Variants in TMEM132C observed in about 807,000 individuals in gnomAD.
TMEM132C encodes the protein protein phosphatase 1, regulatory subunit 152.
TMEM132C carries 29 observed loss-of-function variants against 61.4 expected under a neutral mutation model. That is an observed-to-expected ratio of 0.47 (90% CI 0.35 to 0.64). TMEM132C has a LOEUF of 0.64. Among genes scored for constraint, TMEM132C ranks in the 30% least tolerant of loss-of-function variants. The probability of loss-of-function intolerance (pLI) is 0.00; values close to 1 mark genes in which losing one functional copy is unlikely to be tolerated. For missense variants in TMEM132C, 1,408 were observed against 1,476.9 expected (o/e 0.95, Z 0.76); for synonymous variants, 656 against 633.1 (o/e 1.04, Z -0.54).
chr12:128,453,165 G>A (rs1870232132), intron 2 of TMEM132C, among the ~76,000 whole-genome samples: 1 of 152,152 alleles, frequency 6.6e-6, no homozygotes, highest in Non-Finnish European at 1.5e-5. Flanking sequence ...GCCTGACTCC[G>A]TTTTCTAGTG....
At chr12:128,366,894 A>G (rs535514180) in intron 1 of TMEM132C, among the ~76,000 whole-genome samples, 1 of 152,362 alleles carries the variant, frequency 6.6e-6, no homozygotes, top group Non-Finnish European at 1.5e-5. Context: ...GAGGCCAAAA[A>G]TAAGCAAGTG....
chr12:128,582,677 A>G (rs1014582651), intron 3 of TMEM132C, among the ~76,000 whole-genome samples: 3 of 152,200 alleles, frequency 2.0e-5, no homozygotes, highest in Non-Finnish European at 4.4e-5. Flanking sequence ...TGCCACCGCC[A>G]TGTAAAAAGT....
intron 3 of TMEM132C, among the ~76,000 whole-genome samples, chr12:128,615,788 A>G (rs1352562): frequency 0.31 from 47,310 of 152,120 alleles, 7,877 homozygotes; most frequent in South Asian, 0.39. Flanking sequence ...AGCCTATAGC[A>G]TCTGCCACAC....
intron 2 of TMEM132C, among the ~76,000 whole-genome samples, chr12:128,502,596 G>A (rs774349015): frequency 2.0e-5 from 3 of 152,218 alleles, no homozygotes; most frequent in Non-Finnish European, 2.9e-5. Context: ...ACACCAGAGT[G>A]GATCCAAAGC....
At chr12:128,641,734 A>G (rs1301618445) in intron 4 of TMEM132C, among the ~76,000 whole-genome samples, 1 of 152,238 alleles carries the variant, frequency 6.6e-6, no homozygotes, top group East Asian at 1.9e-4. Flanking sequence ...GTCTGTGGTC[A>G]TGCGTTATAG....
At chr12:128,344,423 G>A (rs1873084903) in intron 1 of TMEM132C, among the ~76,000 whole-genome samples, 1 of 152,132 alleles carries the variant, frequency 6.6e-6, no homozygotes, top group Admixed American at 6.5e-5. Flanking sequence ...CTCCCAAAGT[G>A]CTGGGATTAC....
At chr12:128,622,380 T>C (rs866378998) in intron 4 of TMEM132C, among the ~76,000 whole-genome samples, 1 of 100,002 alleles carries the variant, frequency 1.0e-5, no homozygotes, top group Admixed American at 9.9e-5. Context: ...TATATATATA[T>C]ATATATATAT....
chr12:128,412,499 G>A (rs1324398355), intron 1 of TMEM132C, among the ~76,000 whole-genome samples: 1 of 152,128 alleles, frequency 6.6e-6, no homozygotes, highest in Non-Finnish European at 1.5e-5. Flanking sequence ...TTCAAGGGCA[G>A]GACCAGGTGG....
At chr12:128,392,289 A>G (rs1475704960) in intron 1 of TMEM132C, among the ~76,000 whole-genome samples, 1 of 152,212 alleles carries the variant, frequency 6.6e-6, no homozygotes, top group African/African-American at 2.4e-5. Context: ...CCGAGTTTAC[A>G]AGTGAGGAAC....
chr12:128,284,641 A>T (rs1003976146), intron 1 of TMEM132C, among the ~76,000 whole-genome samples: 1 of 152,218 alleles, frequency 6.6e-6, no homozygotes, highest in Non-Finnish European at 1.5e-5. Flanking sequence ...CACAGATTAG[A>T]CTTCCCGTGT....
chr12:128,458,299 A>T (rs1593060766), intron 2 of TMEM132C, among the ~76,000 whole-genome samples: 1 of 1,954 alleles, frequency 5.1e-4, no homozygotes, highest in African/African-American at 5.7e-4. Flanking sequence ...GTAATTATAT[A>T]ATTATACTAA....
chr12:128,413,559 A>T (rs991768008), intron 1 of TMEM132C, among the ~76,000 whole-genome samples: 1 of 151,794 alleles, frequency 6.6e-6, no homozygotes, highest in African/African-American at 2.4e-5. Context: ...TGTCAGTCTT[A>T]TAGGTAAGAG....
chr12:128,517,308 G>A (rs1201833087), intron 2 of TMEM132C, among the ~76,000 whole-genome samples: 1 of 151,588 alleles, frequency 6.6e-6, no homozygotes, highest in Non-Finnish European at 1.5e-5. Context: ...AGGGTGACAC[G>A]CCTGTAATCC....
intron 1 of TMEM132C, among the ~76,000 whole-genome samples, chr12:128,284,683 A>G (rs562006225): frequency 1.3e-5 from 2 of 152,334 alleles, no homozygotes; most frequent in East Asian, 3.9e-4. Flanking sequence ...GACAATTTCT[A>G]CCTATAGCAG....
At chr12:128,676,569 C>CATTTGTAATCATTTGTAATCATTTCTT (rs1954589295) in intron 5 of TMEM132C, among the ~76,000 whole-genome samples, 2 of 152,216 alleles carry the variant, frequency 1.3e-5, no homozygotes, top group Non-Finnish European at 2.9e-5. Context: ...ATTTCTTACA[C>CATTTGTAATCATTTGTAATCATTTCTT]ACATATACCC....
At chr12:128,340,916 T>TC (rs1872954933) in intron 1 of TMEM132C, among the ~76,000 whole-genome samples, 2 of 128,268 alleles carry the variant, frequency 1.6e-5, no homozygotes, top group Non-Finnish European at 3.1e-5. Context: ...CTCTCTCTCT[T>TC]TCTCTCTCTC....
chr12:128,529,938 G>A (rs1439575531), intron 2 of TMEM132C, among the ~76,000 whole-genome samples: 3 of 152,124 alleles, frequency 2.0e-5, no homozygotes. Context: ...ATTTTGTTAG[G>A]CACGATAATG....
intron 1 of TMEM132C, chr12:128,289,135 C>T (rs1172169500): frequency 6.9e-6 from 1 of 145,210 alleles, no homozygotes; most frequent in African/African-American, 2.5e-5. Flanking sequence ...CGCTAACACA[C>T]ACTGTAATGC....
chr12:128,600,089 T>C (rs1876120001), intron 3 of TMEM132C, among the ~76,000 whole-genome samples: 1 of 152,122 alleles, frequency 6.6e-6, no homozygotes, highest in Admixed American at 6.5e-5. Context: ...TTCACGCCAT[T>C]CTCCTGCCTC....
Sources: gnomAD v4.1 joint callset for allele counts (sites outside exome capture counted in the v4.1 genomes callset) on GRCh38, gnomAD v4.1.1 for gene constraint, MANE v1.5 for transcripts, NCBI Gene and HGNC (gene_info 2026-07-23, HGNC 2026-07-21) for gene names.